Variants in THSD7B observed in about 807,000 individuals in gnomAD.
THSD7B encodes the protein thrombospondin type 1 domain containing 7B.
A neutral mutation model predicts 213.6 loss-of-function variants in THSD7B; 138 were observed. The ratio of observed to expected loss-of-function variants is 0.65; its 90% CI spans 0.56 to 0.74. The LOEUF is 0.74. Ranked by LOEUF, THSD7B falls within the 30% of genes least tolerant of loss-of-function variation. THSD7B has a pLI of 0.00. For missense variants in THSD7B, 1,931 were observed against 1,991.5 expected, an observed-to-expected ratio of 0.97 and a Z score of 0.58; for synonymous variants, 742 against 687.0, an observed-to-expected ratio of 1.08 and a Z score of -1.25.
chr2:137,066,362 T>C (rs1430775019), intron 3 of THSD7B, among the ~76,000 whole-genome samples: 1 of 151,996 alleles, frequency 6.6e-6, no homozygotes, highest in African/African-American at 2.4e-5. Flanking sequence ...TGGCTAATTT[T>C]TTTGTATTTT....
intron 2 of THSD7B, among the ~76,000 whole-genome samples, chr2:137,016,388 G>A (rs563175585): frequency 6.6e-5 from 10 of 152,260 alleles, no homozygotes; most frequent in South Asian, 2.1e-4. Context: ...TGACAAAGTC[G>A]TCTGTCACCA....
chr2:136,797,543 TGGGTA>T (rs1682092942), intron 1 of THSD7B, among the ~76,000 whole-genome samples: 2 of 151,978 alleles, frequency 1.3e-5, no homozygotes, highest in African/African-American at 4.8e-5. Flanking sequence ...GCGTTGCAGA[TGGGTA>T]GGCCATTGAT....
chr2:137,326,063 T>A (rs1347048842), intron 12 of THSD7B, among the ~76,000 whole-genome samples: 1 of 152,188 alleles, frequency 6.6e-6, no homozygotes, highest in African/African-American at 2.4e-5. Context: ...ACCAGTCTCG[T>A]TAACAGGGGA....
intron 12 of THSD7B, among the ~76,000 whole-genome samples, chr2:137,303,706 A>ATATATATTTT (rs1553437349): frequency 2.5e-5 from 3 of 122,154 alleles, no homozygotes; most frequent in East Asian, 2.3e-4. Context: ...ATATATATTT[A>ATATATATTTT]TATATATATT....
At chr2:137,342,461 T>C (rs1454301296) in intron 12 of THSD7B, among the ~76,000 whole-genome samples, 1 of 151,602 alleles carries the variant, frequency 6.6e-6, no homozygotes, top group African/African-American at 2.4e-5. Flanking sequence ...TAGCAAACAG[T>C]GACAATTTTA....
At chr2:137,055,317 G>T (rs1000569963) in intron 2 of THSD7B, among the ~76,000 whole-genome samples, 4 of 152,156 alleles carry the variant, frequency 2.6e-5, no homozygotes, top group African/African-American at 9.7e-5. Flanking sequence ...TAATGAGATT[G>T]CTGGGTTGAA....
chr2:137,430,899 T>A (rs1687165915), intron 14 of THSD7B, among the ~76,000 whole-genome samples: 1 of 152,120 alleles, frequency 6.6e-6, no homozygotes, highest in Non-Finnish European at 1.5e-5. Flanking sequence ...TAGGGATGGT[T>A]GATGACATTA....
In THSD7B at chr2:137,009,848, C is replaced by T. The variant is rs1191831803; in HGVS notation, c.140-46572C>T. Among the ~76,000 whole-genome samples, 3 of 152,204 alleles carry T rather than the reference C, an allele frequency of 2.0e-5. No homozygotes were observed. In the East Asian group the frequency reaches 5.8e-4, roughly 29 times the overall value. ...CACATGTCAATCAAAAATGTCTCCA[C>T]ACATTGCCAATGTTCCCAGAGGGAA... is the stretch of plus-strand genomic sequence containing the variant. On this transcript the variant is annotated intron_variant, in intron 2 of 27. Coordinates refer to ENST00000409968, the MANE Select transcript of THSD7B (RefSeq NM_001316349.2).
intron 2 of THSD7B, among the ~76,000 whole-genome samples, chr2:137,008,178 CAG>C (rs1220167794): frequency 6.6e-6 from 1 of 152,076 alleles, no homozygotes; most frequent in African/African-American, 2.4e-5. Context: ...CCATTTGCAA[CAG>C]AAAGTGAAAA....
intron 2 of THSD7B, among the ~76,000 whole-genome samples, chr2:137,038,249 G>A (rs1686813050): frequency 6.6e-6 from 1 of 152,126 alleles, no homozygotes; most frequent in Admixed American, 6.5e-5. Flanking sequence ...AATATTTGAC[G>A]TTTTCTTGAA....
At chr2:137,332,041 A>G (rs576147808) in intron 12 of THSD7B, among the ~76,000 whole-genome samples, 2 of 152,274 alleles carry the variant, frequency 1.3e-5, no homozygotes, top group African/African-American at 4.8e-5. Context: ...TGGCCAGCCC[A>G]GAAAGGGGCT....
chr2:136,770,497 G>A (rs376124804), intron 1 of THSD7B, among the ~76,000 whole-genome samples: 12 of 152,134 alleles, frequency 7.9e-5, no homozygotes, highest in Admixed American at 5.9e-4. Context: ...AGGTCAATGA[G>A]TATTGCTCTG....
intron 4 of THSD7B, among the ~76,000 whole-genome samples, chr2:137,102,907 T>G (rs1206935531): frequency 6.6e-6 from 1 of 152,116 alleles, no homozygotes. Flanking sequence ...AAACCTACAT[T>G]TGATTGGTGT....
intron 5 of THSD7B, among the ~76,000 whole-genome samples, chr2:137,131,985 C>G (rs554605225): frequency 7.3e-5 from 11 of 150,754 alleles, no homozygotes; most frequent in Admixed American, 2.0e-4. Context: ...TGGCCATTTT[C>G]ACGATATTGA....
At chr2:137,638,953 A>G (rs1682885253) in intron 20 of THSD7B, among the ~76,000 whole-genome samples, 1 of 151,044 alleles carries the variant, frequency 6.6e-6, no homozygotes, top group Non-Finnish European at 1.5e-5. Flanking sequence ...GAAGAGAAAC[A>G]GAGCATAAAA....
chr2:137,614,571 A>G (rs374882757), intron 17 of THSD7B, among the ~76,000 whole-genome samples: 4 of 152,266 alleles, frequency 2.6e-5, no homozygotes, highest in African/African-American at 9.6e-5. Flanking sequence ...ATTCTGCCAC[A>G]TGAAAAGAAG....
At chr2:137,349,597 G>A (rs1312473630) in intron 12 of THSD7B, among the ~76,000 whole-genome samples, 1 of 151,800 alleles carries the variant, frequency 6.6e-6, no homozygotes, top group African/African-American at 2.4e-5. Flanking sequence ...TAGAATTATT[G>A]TAAACCCTGT....
intron 1 of THSD7B, among the ~76,000 whole-genome samples, chr2:136,826,166 G>GC (rs35650000): frequency 0.66 from 99,735 of 151,924 alleles, 33,341 homozygotes; most frequent in East Asian, 0.98. Context: ...ATATAAAATA[G>GC]TTATAATGAT....
chr2:136,930,632 T>A (rs1031118724), intron 2 of THSD7B, among the ~76,000 whole-genome samples: 2 of 152,162 alleles, frequency 1.3e-5, no homozygotes, highest in African/African-American at 4.8e-5. Context: ...GAAGAATGAA[T>A]AATGATTTGT....
Sources: allele counts gnomAD v4.1 joint callset (sites outside exome capture counted in the v4.1 genomes callset), GRCh38; gene constraint gnomAD v4.1.1; transcripts MANE v1.5; gene names NCBI Gene and HGNC (gene_info 2026-07-23, HGNC 2026-07-21).